The following LGALS3 variants were observed in gnomAD, a reference collection of about 807,000 sequenced individuals.
LGALS3 encodes galectin-3.
A neutral mutation model predicts 20.7 loss-of-function variants in LGALS3; 18 were observed. The observed-to-expected ratio is 0.87, with a 90% confidence interval of 0.60 to 1.29. LGALS3 has a LOEUF of 1.29. Among genes scored for constraint, LGALS3 ranks in the 50% most tolerant of loss-of-function variants. The probability of loss-of-function intolerance (pLI) is 0.00; values close to 1 mark genes in which losing one functional copy is unlikely to be tolerated. For missense variants in LGALS3, 315 were observed against 314.7 expected (o/e 1.00, Z -0.01); for synonymous variants, 112 against 119.6 (o/e 0.94, Z 0.42).
chr14:55,144,649 C>T (rs368670883), intron 5 of LGALS3, among the ~76,000 whole-genome samples: 6 of 152,176 alleles, frequency 3.9e-5, no homozygotes, highest in African/African-American at 9.7e-5. Context: ...CTTCAAGCTC[C>T]GCCTCCTGGG....
At chr14:55,135,407 A>G (rs1396131860) in intron 1 of LGALS3, among the ~76,000 whole-genome samples, 1 of 152,138 alleles carries the variant, frequency 6.6e-6, no homozygotes, top group Non-Finnish European at 1.5e-5. Flanking sequence ...CAAAATAAAA[A>G]AAAATGTAAA....
At chr14:55,130,970 T>C (rs976174329) in intron 1 of LGALS3, among the ~76,000 whole-genome samples, 22 of 152,340 alleles carry the variant, frequency 1.4e-4, no homozygotes, top group Non-Finnish European at 2.6e-4. Flanking sequence ...AACAATAGTC[T>C]CCCTTTTAGA....
At chr14:55,133,899 C>A (rs771356092) in intron 1 of LGALS3, among the ~76,000 whole-genome samples, 2 of 152,104 alleles carry the variant, frequency 1.3e-5, no homozygotes, top group African/African-American at 2.4e-5. Context: ...ATGTTAGGAC[C>A]CTTTATAAGG....
At chr14:55,137,732 C>T (rs764674332) in intron 2 of LGALS3, 758 of 1,337,886 alleles carry the variant, frequency 5.7e-4, no homozygotes, top group Non-Finnish European at 6.8e-4. Flanking sequence ...GATTGTTTTT[C>T]TCACGGTGAT....
chr14:55,140,000 T>A (rs1164618124), intron 3 of LGALS3, among the ~76,000 whole-genome samples: 1 of 152,212 alleles, frequency 6.6e-6, no homozygotes, highest in African/African-American at 2.4e-5. Context: ...AGATCTAGCT[T>A]AAGCCTTTCC....
chr14:55,130,273 A>G (rs1881187167), intron 1 of LGALS3, among the ~76,000 whole-genome samples: 1 of 152,118 alleles, frequency 6.6e-6, no homozygotes, highest in Non-Finnish European at 1.5e-5. Flanking sequence ...GGAGTCGGGG[A>G]CGCATGGTGG....
intron 1 of LGALS3, among the ~76,000 whole-genome samples, chr14:55,132,248 T>C (rs1881253973): frequency 6.6e-6 from 1 of 152,232 alleles, no homozygotes; most frequent in South Asian, 2.1e-4. Context: ...ACTGTAGGTG[T>C]TTACAAATGT....
chr14:55,130,753 T>G (rs56126187), intron 1 of LGALS3, among the ~76,000 whole-genome samples: 1,976 of 60,472 alleles, frequency 0.033, 1 homozygote, highest in Non-Finnish European at 0.044. Context: ...GTGGTGGTGG[T>G]GGGGGGGGGG....
At chr14:55,134,053 A>G (rs1881309676) in intron 1 of LGALS3, among the ~76,000 whole-genome samples, 1 of 152,178 alleles carries the variant, frequency 6.6e-6, no homozygotes, top group African/African-American at 2.4e-5. Flanking sequence ...GGATATTGGC[A>G]ATGTCTGAAG....
At chr14:55,140,109 A>G (rs1430849313) in intron 3 of LGALS3, among the ~76,000 whole-genome samples, 166 bp from the exon 4 acceptor site, 2 of 152,160 alleles carry the variant, frequency 1.3e-5, no homozygotes, top group Non-Finnish European at 2.9e-5. Flanking sequence ...AGGGAGCCTT[A>G]TCTCTTTGGC....
intron 2 of LGALS3, chr14:55,137,644 G>A: frequency 7.0e-7 from 1 of 1,427,590 alleles, no homozygotes; most frequent in Admixed American, 2.9e-5. Context: ...GCGGAAGGGA[G>A]TGGACTCTGC....
rs773843877 is a variant in LGALS3, at chr14:55,138,060, T to G, written c.34T>G (p.Ser12Ala). The G allele has an allele frequency of 6.6e-7, 1 of 1,504,816 alleles. No homozygotes were observed. Among genetic ancestry groups the G allele is most frequent in the Admixed American group, 2.3e-5 (1 of 43,136 alleles). The allele number at this position is 1,504,816 out of a possible 1,614,324, so 93.2% of individuals were successfully genotyped here. A position where few individuals can be genotyped will look rare whatever the true frequency, so the allele number is the denominator to read the frequency against. Reference sequence around the variant, plus strand: ...TTCTTTCCAGCTCCATGATGCGTTATCTGGGTCTGGAAACCCAAACCCTCA... The same window carrying G: ...TTCTTTCCAGCTCCATGATGCGTTAGCTGGGTCTGGAAACCCAAACCCTCA... ...ADNFSLHDAL[S>A]GSGNPNPQGW... Residue 12 changes from serine (S) to alanine (A), a missense_variant, in exon 3 of 6, where the codon TCT (serine) becomes GCT (alanine). By Grantham distance (99) the Ser-to-Ala change is moderately conservative. Transcript: ENST00000254301.
intron 1 of LGALS3, 114 bp from the exon 2 acceptor site, chr14:55,137,256 A>G (rs1271801380): frequency 2.8e-5 from 28 of 1,002,462 alleles, no homozygotes; most frequent in African/African-American, 4.8e-5. Flanking sequence ...CTACTGACTT[A>G]GGCATAATGC....
At chr14:55,139,900 T>C (rs527780189) in intron 3 of LGALS3, among the ~76,000 whole-genome samples, 2 of 152,354 alleles carry the variant, frequency 1.3e-5, no homozygotes, top group East Asian at 3.9e-4. Context: ...TGTGATATGC[T>C]GCTTGCCCCC....
chr14:55,135,395 T>G (rs796994698), intron 1 of LGALS3, among the ~76,000 whole-genome samples: 21 of 151,960 alleles, frequency 1.4e-4, no homozygotes, highest in African/African-American at 4.6e-4. Context: ...AAGGACATAT[T>G]CCAAAATAAA....
At chr14:55,134,984 G>A (rs117131718) in intron 1 of LGALS3, among the ~76,000 whole-genome samples, 109 of 148,168 alleles carry the variant, frequency 7.4e-4, no homozygotes, top group Middle Eastern at 3.5e-3. Context: ...GTGAGACCCC[G>A]TGTCTAAAAA....
At chr14:55,143,447 G>C (rs571941262) in intron 5 of LGALS3, 3 of 366,026 alleles carry the variant, frequency 8.2e-6, no homozygotes, top group African/African-American at 4.5e-5. Context: ...TTTCGAGACA[G>C]AGTCTCGCTC....
At position 55,138,151 on chromosome 14, in the gene LGALS3, C is replaced by G. The variant is rs778348148; in HGVS notation, c.125C>G (p.Pro42Arg). ...GAGGYPGASY[P>R]GAYPGQAPPG... ...GGGGGCTACCCAGGGGCTTCCTATC[C>G]TGGGGCCTACCCCGGGCAGGCACCC... Residue 42 changes from proline (P) to arginine (R), a missense_variant, in exon 3 of 6, where the codon CCT becomes CGT. Physicochemically the swap from Pro to Arg is moderately radical, Grantham distance 103. Coordinates refer to ENST00000254301, the MANE Select transcript of LGALS3 (RefSeq NM_002306.4). 9.4e-6 allele frequency: 15 copies of G among 1,596,748 alleles called. No homozygotes were observed. The Admixed American group carries it at 2.5e-4, about 27-fold the overall frequency.
In LGALS3 at chr14:55,143,461, C is replaced by T. The variant is rs1006796292; in HGVS notation, c.597+712C>T. ...TTTTCGAGACAGAGTCTCGCTCTGT[C>T]GCCAGGCTGGAGTACAGTGGCACGA... On this transcript the variant is annotated intron_variant, in intron 5 of 5. Coordinates refer to ENST00000254301, the MANE Select transcript of LGALS3 (RefSeq NM_002306.4). 2.0e-5 allele frequency: 7 copies of T among 356,086 alleles called. No homozygotes were observed. In the East Asian group the frequency reaches 6.2e-4, roughly 32 times the overall value. 22.1% of individuals were successfully genotyped at this position (356,086 alleles called of 1,614,324 possible). A position where few individuals can be genotyped will look rare whatever the true frequency, so the allele number is the denominator to read the frequency against.
Sources: allele counts gnomAD v4.1 joint callset (sites outside exome capture counted in the v4.1 genomes callset), GRCh38; gene constraint gnomAD v4.1.1; transcripts MANE v1.5; gene names NCBI Gene and HGNC (gene_info 2026-07-23, HGNC 2026-07-21).